PDE10A: variants seen among roughly 807,000 people sequenced by gnomAD.
PDE10A encodes the protein cAMP and cAMP-inhibited cGMP 3',5'-cyclic phosphodiesterase 10A.
In PDE10A, 39 loss-of-function variants were observed where a neutral mutation model predicts 97.7. The ratio of observed to expected loss-of-function variants is 0.40; its 90% CI spans 0.31 to 0.52. The LOEUF (loss-of-function observed/expected upper bound fraction) is 0.52, where lower values mean the gene tolerates loss of function less well. Ranked by LOEUF, PDE10A falls within the 20% of genes least tolerant of loss-of-function variation. PDE10A has a pLI of 0.56. For synonymous variants in PDE10A, 371 were observed against 376.8 expected (o/e 0.98, Z 0.18); for missense variants, 731 against 1,047.8 (o/e 0.70, Z 4.17).
At chr6:165,783,541 G>C (rs1778401546) in intron 1 of PDE10A, among the ~76,000 whole-genome samples, 1 of 152,032 alleles carries the variant, frequency 6.6e-6, no homozygotes, top group Non-Finnish European at 1.5e-5. Context: ...TTAAAGTAGT[G>C]GTGGACATTG....
chr6:165,950,992 G>T (rs1783939158), intron 1 of PDE10A, among the ~76,000 whole-genome samples: 1 of 152,214 alleles, frequency 6.6e-6, no homozygotes, highest in Admixed American at 6.5e-5. Context: ...TGTTTGGAAT[G>T]ATAAAAATGT....
At chr6:165,712,891 C>T (rs1369740158) in intron 1 of PDE10A, among the ~76,000 whole-genome samples, 2 of 152,142 alleles carry the variant, frequency 1.3e-5, no homozygotes, top group South Asian at 2.1e-4. Flanking sequence ...CTGCCTGCCT[C>T]GGCCTCCCAG....
intron 1 of PDE10A, among the ~76,000 whole-genome samples, chr6:165,865,401 G>A (rs893301171): frequency 1.3e-5 from 2 of 151,974 alleles, no homozygotes; most frequent in African/African-American, 4.8e-5. Context: ...GCAAGGAAAC[G>A]TGACACCACC....
intron 17 of PDE10A, among the ~76,000 whole-genome samples, chr6:165,383,903 G>T (rs1370595706): frequency 6.6e-6 from 1 of 152,094 alleles, no homozygotes; most frequent in East Asian, 1.9e-4. Flanking sequence ...CCTGAGTGGG[G>T]GGCCACAAGA....
intron 15 of PDE10A, among the ~76,000 whole-genome samples, chr6:165,394,179 T>C (rs1270303274): frequency 6.6e-6 from 1 of 152,104 alleles, no homozygotes; most frequent in African/African-American, 2.4e-5. Context: ...CAACCCTTCA[T>C]CTACATTTGC....
chr6:165,462,373 C>G (rs221741), intron 3 of PDE10A, among the ~76,000 whole-genome samples: 5 of 152,052 alleles, frequency 3.3e-5, no homozygotes, highest in African/African-American at 1.2e-4. Context: ...CTACAGAAAC[C>G]AGATGCAAAG....
intron 2 of PDE10A, among the ~76,000 whole-genome samples, chr6:165,501,092 C>T (rs1780847871): frequency 6.6e-6 from 1 of 152,104 alleles, no homozygotes; most frequent in Admixed American, 6.5e-5. Context: ...ACTCAGAGAC[C>T]ATTGCCGGCT....
intron 1 of PDE10A, among the ~76,000 whole-genome samples, chr6:165,846,487 C>A (rs1286972852): frequency 6.6e-6 from 1 of 152,218 alleles, no homozygotes; most frequent in Non-Finnish European, 1.5e-5. Flanking sequence ...GAGCCTCAGG[C>A]CAGGGGCCAA....
intron 3 of PDE10A, among the ~76,000 whole-genome samples, chr6:165,466,825 T>C (rs2128265744): frequency 6.6e-6 from 1 of 152,148 alleles, no homozygotes; most frequent in East Asian, 1.9e-4. Context: ...TCACATGTGT[T>C]TCACTTTAAA....
At chr6:165,690,510 T>A (rs1014310756) in intron 1 of PDE10A, among the ~76,000 whole-genome samples, 24 of 152,204 alleles carry the variant, frequency 1.6e-4, no homozygotes, top group Non-Finnish European at 3.4e-4. Context: ...ATGGCAACTC[T>A]GGTCATGCCC....
intron 1 of PDE10A, among the ~76,000 whole-genome samples, chr6:165,575,293 C>T (rs1785247025): frequency 6.6e-6 from 1 of 152,174 alleles, no homozygotes; most frequent in African/African-American, 2.4e-5. Context: ...TCTTAGATGG[C>T]TCCCTATACT....
At chr6:165,538,142 C>G (rs1783210917) in intron 2 of PDE10A, among the ~76,000 whole-genome samples, 1 of 151,974 alleles carries the variant, frequency 6.6e-6, no homozygotes, top group African/African-American at 2.4e-5. Context: ...TTAAATCCTA[C>G]TTATTCTAAG....
intron 2 of PDE10A, among the ~76,000 whole-genome samples, chr6:165,532,762 T>A (rs916936684): frequency 1.3e-4 from 20 of 152,204 alleles, no homozygotes; most frequent in Non-Finnish European, 2.5e-4. Context: ...ATCAGCGGCC[T>A]AGTTCAACCA....
At chr6:165,346,766 T>A (rs1462905145) in intron 18 of PDE10A, among the ~76,000 whole-genome samples, 2 of 152,200 alleles carry the variant, frequency 1.3e-5, no homozygotes, top group African/African-American at 2.4e-5. Flanking sequence ...AAGGATATAC[T>A]ATTTTGTTGG....
chr6:165,829,945 G>A (rs1346490304), intron 1 of PDE10A, among the ~76,000 whole-genome samples: 1 of 152,018 alleles, frequency 6.6e-6, no homozygotes, highest in Non-Finnish European at 1.5e-5. Context: ...ACTCAGGGAA[G>A]AAATGTACAA....
At chr6:165,357,813 G>A (rs770473422) in intron 18 of PDE10A, among the ~76,000 whole-genome samples, 5 of 151,874 alleles carry the variant, frequency 3.3e-5, no homozygotes, top group Non-Finnish European at 4.4e-5. Context: ...CTGGCATTTC[G>A]AATCTTCCTT....
chr6:165,602,479 G>T (rs1787009040), intron 1 of PDE10A, among the ~76,000 whole-genome samples: 1 of 152,050 alleles, frequency 6.6e-6, no homozygotes, highest in Admixed American at 6.5e-5. Flanking sequence ...AACTGAGCGG[G>T]AACAACATTT....
At chr6:165,892,227 A>G (rs1025488097) in intron 1 of PDE10A, among the ~76,000 whole-genome samples, 1 of 152,230 alleles carries the variant, frequency 6.6e-6, no homozygotes, top group Non-Finnish European at 1.5e-5. Context: ...GGTGCAAAGC[A>G]GGAGCCTTCC....
intron 3 of PDE10A, among the ~76,000 whole-genome samples, chr6:165,476,305 A>G (rs1283868727): frequency 1.3e-5 from 2 of 152,194 alleles, no homozygotes; most frequent in Non-Finnish European, 2.9e-5. Flanking sequence ...CTCTCAAGAT[A>G]ATTAAAGAAT....
Sources: gnomAD v4.1 joint callset for allele counts (sites outside exome capture counted in the v4.1 genomes callset) on GRCh38, gnomAD v4.1.1 for gene constraint, MANE v1.5 for transcripts, NCBI Gene and HGNC (gene_info 2026-07-23, HGNC 2026-07-21) for gene names.